Variants in TMTC2 observed in about 807,000 individuals in gnomAD.
TMTC2 encodes the protein transmembrane O-mannosyltransferase targeting cadherins 2.
A neutral mutation model predicts 82.4 loss-of-function variants in TMTC2; 43 were observed. The observed-to-expected ratio is 0.52, with a 90% CI of 0.41 to 0.67. The LOEUF (loss-of-function observed/expected upper bound fraction) is 0.67, where lower values mean the gene tolerates loss of function less well. TMTC2 is among the 30% of genes least tolerant of loss of function. The pLI is 0.00. For missense variants in TMTC2, 919 were observed against 1,012.4 expected, an observed-to-expected ratio of 0.91 and a Z score of 1.25; for synonymous variants, 408 against 381.9, an observed-to-expected ratio of 1.07 and a Z score of -0.80.
At chr12:82,734,054 T>TAA (rs1874965587) in intron 1 of TMTC2, among the ~76,000 whole-genome samples, 1 of 152,216 alleles carries the variant, frequency 6.6e-6, no homozygotes, top group Non-Finnish European at 1.5e-5. Flanking sequence ...AACTCTGTGT[T>TAA]TATAATGTGC....
intron 2 of TMTC2, among the ~76,000 whole-genome samples, chr12:82,886,661 CTT>C (rs1277612714): frequency 6.6e-6 from 1 of 152,154 alleles, no homozygotes; most frequent in African/African-American, 2.4e-5. Context: ...TTATAAAACT[CTT>C]TAATCTTGTC....
At position 82,735,969 on chromosome 12, in the gene TMTC2, TCACACACA is replaced by T. The variant is rs148485109; in HGVS notation, c.83+48327_83+48334del. Among the ~76,000 whole-genome samples, 623 of 145,930 alleles carry T rather than the reference TCACACACA, an allele frequency of 4.3e-3. 8 individuals carry two copies. The East Asian group carries it at 0.048, about 11-fold the overall frequency. ...GCCCAGGTGACAGTGCGAGACTCCG[TCACACACA>T]CACACACACACACACACACACACAC... On this transcript the variant is annotated intron_variant, in intron 1 of 11. Transcript: ENST00000321196.
intron 2 of TMTC2, among the ~76,000 whole-genome samples, chr12:82,895,345 C>T (rs1037834115): frequency 9.9e-5 from 15 of 152,088 alleles, no homozygotes; most frequent in Admixed American, 2.0e-4. Context: ...AAGAGTCCTG[C>T]CATACCACAT....
intron 1 of TMTC2, among the ~76,000 whole-genome samples, chr12:82,807,189 C>G (rs1017834792): frequency 6.6e-6 from 1 of 152,100 alleles, no homozygotes; most frequent in Non-Finnish European, 1.5e-5. Context: ...TGTTCATTGT[C>G]AAATGATTTT....
Position 83,061,908 on chromosome 12 carries a change from T to C in TMTC2, c.2331+77T>C, listed in dbSNP as rs533322234. 122 of 1,134,300 alleles carry C rather than the reference T, an allele frequency of 1.1e-4. 5 individuals are homozygous for C. In the South Asian group the frequency reaches 2.4e-3, roughly 22 times the overall value. The allele number at this position is 1,134,300 out of a possible 1,614,324, so 70.3% of individuals were successfully genotyped here. A position where few individuals can be genotyped will look rare whatever the true frequency, so the allele number is the denominator to read the frequency against. On this transcript the variant is annotated intron_variant, in intron 11 of 11. Coordinates refer to ENST00000321196, the MANE Select transcript of TMTC2 (RefSeq NM_152588.3). ...ATGATAGGTGTAAGAAGCATCATGATACTGGTTTTTTGTTTTTTGTTTTGT... is the reference window on the plus strand; with the variant it reads ...ATGATAGGTGTAAGAAGCATCATGACACTGGTTTTTTGTTTTTTGTTTTGT...
Position 83,025,968 on chromosome 12 carries a change from A to G in TMTC2, c.2071-4830A>G, listed in dbSNP as rs116620092. 8.5e-3 allele frequency among the ~76,000 whole-genome samples: 1,297 copies of G among 152,314 alleles called. 24 individuals are homozygous for G. Among genetic ancestry groups the G allele is most frequent in the African/African-American group, 0.03 (1,228 of 41,572 alleles). ...GGTATAGACATGTTCTTATTCACCA[A>G]TGCAGAAGCTTTCCAAATCCTGTAA... On this transcript the variant is annotated intron_variant, in intron 8 of 11. Transcript: ENST00000321196.
intron 1 of TMTC2, among the ~76,000 whole-genome samples, chr12:82,769,032 A>G (rs1398980778): frequency 6.6e-6 from 1 of 151,566 alleles, no homozygotes; most frequent in Non-Finnish European, 1.5e-5. Context: ...GTCTGCAGGC[A>G]AGCAAATCCC....
At chr12:82,893,423 A>T (rs1873502874) in intron 2 of TMTC2, among the ~76,000 whole-genome samples, 1 of 152,042 alleles carries the variant, frequency 6.6e-6, no homozygotes, top group African/African-American at 2.4e-5. Flanking sequence ...TTGGTGAGGC[A>T]GAATGTGATA....
At chr12:82,953,911 A>T (rs1877480441) in intron 4 of TMTC2, among the ~76,000 whole-genome samples, 1 of 152,180 alleles carries the variant, frequency 6.6e-6, no homozygotes. Flanking sequence ...TGAAATTCAG[A>T]AACATCTTTT....
At chr12:83,065,340 T>G (rs1481024928) in intron 11 of TMTC2, among the ~76,000 whole-genome samples, 1 of 151,896 alleles carries the variant, frequency 6.6e-6, no homozygotes, top group African/African-American at 2.4e-5. Context: ...ATATGAAGAA[T>G]TCCAGTGATC....
chr12:83,072,016 T>C (rs1029828324), intron 11 of TMTC2, among the ~76,000 whole-genome samples: 1 of 152,168 alleles, frequency 6.6e-6, no homozygotes, highest in Non-Finnish European at 1.5e-5. Flanking sequence ...TTAGTTCAGC[T>C]CTGATCTTGG....
chr12:82,737,341 C>G (rs1414106647), intron 1 of TMTC2, among the ~76,000 whole-genome samples: 1 of 151,866 alleles, frequency 6.6e-6, no homozygotes, highest in African/African-American at 2.4e-5. Context: ...AATATCAGGT[C>G]TAAAGTGACA....
chr12:83,057,341 T>C (rs926361449), intron 10 of TMTC2, among the ~76,000 whole-genome samples: 4 of 151,912 alleles, frequency 2.6e-5, no homozygotes, highest in African/African-American at 9.7e-5. Context: ...TTGCTACACT[T>C]TTTCTTTACC....
chr12:82,773,278 A>G (rs1877404045), intron 1 of TMTC2, among the ~76,000 whole-genome samples: 2 of 152,232 alleles, frequency 1.3e-5, no homozygotes, highest in Admixed American at 6.5e-5. Context: ...CTTGACAGTG[A>G]TTTATTACTA....
At chr12:82,827,296 A>G (rs1869468908) in intron 1 of TMTC2, among the ~76,000 whole-genome samples, 1 of 152,208 alleles carries the variant, frequency 6.6e-6, no homozygotes, top group African/African-American at 2.4e-5. Context: ...GTGGAACAAG[A>G]GAAAAGTAAG....
At chr12:82,781,996 T>C (rs1411210651) in intron 1 of TMTC2, among the ~76,000 whole-genome samples, 1 of 152,056 alleles carries the variant, frequency 6.6e-6, no homozygotes, top group African/African-American at 2.4e-5. Context: ...TAAGCTAAAC[T>C]GGTAGAATTG....
At chr12:83,077,880 CTTTTTTT>C (rs751044763) in intron 11 of TMTC2, among the ~76,000 whole-genome samples, 1 of 92,964 alleles carries the variant, frequency 1.1e-5, no homozygotes, top group Non-Finnish European at 2.0e-5. Flanking sequence ...GACAATCTGT[CTTTTTTT>C]TTTTTTTTTT....
intron 11 of TMTC2, among the ~76,000 whole-genome samples, chr12:83,120,408 C>T (rs1002358946): frequency 2.0e-5 from 3 of 152,210 alleles, no homozygotes; most frequent in East Asian, 1.9e-4. Flanking sequence ...CCTTCATAGA[C>T]GAATCTTAGT....
intron 1 of TMTC2, among the ~76,000 whole-genome samples, chr12:82,818,457 T>C (rs1435797456): frequency 6.6e-6 from 1 of 152,172 alleles, no homozygotes; most frequent in Non-Finnish European, 1.5e-5. Flanking sequence ...ACTCTTTCCA[T>C]GCACTTGACC....
Sources: gnomAD v4.1 joint callset for allele counts (sites outside exome capture counted in the v4.1 genomes callset) on GRCh38, gnomAD v4.1.1 for gene constraint, MANE v1.5 for transcripts, NCBI Gene and HGNC (gene_info 2026-07-23, HGNC 2026-07-21) for gene names.